The following STON2 variants were observed in gnomAD, a reference collection of about 807,000 sequenced individuals.
STON2 encodes the protein stonin 2, also known as stonin-2.
Under a neutral mutation model 65.7 loss-of-function variants are expected in STON2, and 29 were observed. The observed-to-expected ratio is 0.44, with a 90% confidence interval of 0.33 to 0.60. STON2 has a LOEUF of 0.60. STON2 is among the 20% of genes least tolerant of loss of function. STON2 has a pLI of 0.03. For synonymous variants in STON2, 404 were observed against 414.2 expected, an observed-to-expected ratio of 0.98 and a Z score of 0.30; for missense variants, 1,054 against 1,118.1, an observed-to-expected ratio of 0.94 and a Z score of 0.82.
intron 2 of STON2, among the ~76,000 whole-genome samples, chr14:81,405,960 A>G (rs2139841870): frequency 6.6e-6 from 1 of 152,306 alleles, no homozygotes; most frequent in South Asian, 2.1e-4. Context: ...AGGCAGAAGA[A>G]AGTGGAATGA....
intron 5 of STON2, among the ~76,000 whole-genome samples, chr14:81,313,299 T>C (rs1468616075): frequency 6.6e-6 from 1 of 152,166 alleles, no homozygotes; most frequent in Non-Finnish European, 1.5e-5. Flanking sequence ...ACAGAGAAAG[T>C]AAATCTTAAG....
chr14:81,295,299 T>C (rs1014543712), intron 5 of STON2, among the ~76,000 whole-genome samples: 13 of 152,124 alleles, frequency 8.5e-5, no homozygotes, highest in Non-Finnish European at 1.6e-4. Flanking sequence ...CACTCCAGCC[T>C]GGGCTACACA....
chr14:81,277,513 G>A lies in STON2; in HGVS notation c.1969C>T (p.His657Tyr). The A allele has an allele frequency of 6.2e-7, 1 of 1,614,124 alleles. No homozygotes were observed. The highest frequency in any genetic ancestry group is 8.5e-7 in the Non-Finnish European group (1 of 1,180,022). The change falls in exon 6 of 8, where the codon CAC (histidine) becomes TAC (tyrosine). Residue 657 changes from histidine to tyrosine, a missense_variant. By Grantham distance (83) the His-to-Tyr change is moderately conservative. Coordinates refer to ENST00000614646, the MANE Select transcript of STON2 (RefSeq NM_001394390.1). ...ILQHHVLTRI[H>Y]ILSFLSGLAE... ...AGCCCAGACAGGAAACTCAGGATGT[G>A]GATCCGTGTCAAGACATGGTGCTGG...
intron 4 of STON2, among the ~76,000 whole-genome samples, chr14:81,357,715 A>G (rs1238437906): frequency 1.3e-5 from 2 of 152,214 alleles, no homozygotes; most frequent in East Asian, 3.8e-4. Flanking sequence ...GCCATAAAAA[A>G]TGATGAGTTC....
intron 5 of STON2, among the ~76,000 whole-genome samples, chr14:81,291,563 T>C (rs984555563): frequency 1.3e-5 from 2 of 152,104 alleles, no homozygotes; most frequent in Non-Finnish European, 2.9e-5. Context: ...ACAACTTCTA[T>C]TTTTGTTCAC....
At chr14:81,323,732 G>GT (rs1027517356) in intron 5 of STON2, 1 of 152,082 alleles carries the variant, frequency 6.6e-6, no homozygotes. Flanking sequence ...AAGCAATGTA[G>GT]TTTTTTGTTT....
chr14:81,340,489 C>T (rs1897565039), intron 4 of STON2, among the ~76,000 whole-genome samples: 1 of 152,158 alleles, frequency 6.6e-6, no homozygotes, highest in South Asian at 2.1e-4. Context: ...CCCTTAAAAT[C>T]AGGGGAGATG....
chr14:81,278,808 G>A (rs12887344), intron 5 of STON2, 69 bp from the exon 6 acceptor site: 164,699 of 1,229,328 alleles, frequency 0.13, 11,305 homozygotes, highest in Admixed American at 0.17. Flanking sequence ...CTGAAGTATA[G>A]GAATGAGGGA....
At chr14:81,422,604 G>C (rs1293885651) in intron 2 of STON2, among the ~76,000 whole-genome samples, 1 of 152,188 alleles carries the variant, frequency 6.6e-6, no homozygotes, top group Non-Finnish European at 1.5e-5. Flanking sequence ...CTTGAGAAAG[G>C]AGAGAATAGG....
At chr14:81,356,154 T>C (rs950552558) in intron 4 of STON2, among the ~76,000 whole-genome samples, 3 of 152,222 alleles carry the variant, frequency 2.0e-5, no homozygotes, top group South Asian at 2.1e-4. Context: ...TTGTCATAGA[T>C]AGCTCTTATT....
At chr14:81,364,670 C>T (rs370749327) in intron 4 of STON2, among the ~76,000 whole-genome samples, 40 of 152,136 alleles carry the variant, frequency 2.6e-4, no homozygotes, top group Admixed American at 1.8e-3. Flanking sequence ...CATATAATTT[C>T]GGGAATTTTC....
chr14:81,270,606 G>A (rs1296444107), intron 7 of STON2, 64 bp downstream of exon 7: 2 of 1,613,906 alleles, frequency 1.2e-6, no homozygotes, highest in Admixed American at 1.7e-5. Context: ...AGGAATAAGA[G>A]GGGGAGGGTA....
At chr14:81,347,135 A>G (rs1897839105) in intron 4 of STON2, among the ~76,000 whole-genome samples, 1 of 152,048 alleles carries the variant, frequency 6.6e-6, no homozygotes, top group Admixed American at 6.5e-5. Context: ...ACAAAACAAA[A>G]CTGGCTTTTT....
intron 6 of STON2, among the ~76,000 whole-genome samples, chr14:81,275,603 A>C (rs1292699952): frequency 1.3e-5 from 2 of 152,154 alleles, no homozygotes; most frequent in African/African-American, 4.8e-5. Context: ...GAAATGAATA[A>C]GCAGGCACAG....
In STON2 at chr14:81,269,994, T is replaced by C. The variant is rs1271649182; in HGVS notation, c.2784+676A>G. 8.1e-6 allele frequency: 8 copies of C among 985,242 alleles called. No individual in the cohort carries two copies. The African/African-American group carries it at 1.4e-4, about 17-fold the overall frequency. The allele number at this position is 985,242 out of a possible 1,614,324, so 61.0% of individuals were successfully genotyped here. On this transcript the variant is annotated intron_variant, in intron 7 of 7. Coordinates refer to ENST00000614646, the MANE Select transcript of STON2 (RefSeq NM_001394390.1). ...CATCAACTCTAACTGAAGCATATGCTTTGGGATAGCATTTTCTCCCCTCCA... is the reference window on the plus strand; with the variant it reads ...CATCAACTCTAACTGAAGCATATGCCTTGGGATAGCATTTTCTCCCCTCCA...
chr14:81,297,930 G>A (rs1895823868), intron 5 of STON2, among the ~76,000 whole-genome samples: 4 of 152,294 alleles, frequency 2.6e-5, no homozygotes, highest in East Asian at 3.9e-4. Context: ...CCAGCTACTC[G>A]GGAGGCTGAG....
chr14:81,277,139 G>A lies in STON2; in HGVS notation c.2343C>T (p.Pro781=). 1.2e-6 allele frequency: 2 copies of A among 1,614,144 alleles called. No individual in the cohort carries two copies. The highest frequency in any genetic ancestry group is 1.6e-4 in the Middle Eastern group (1 of 6,062). ...GGTAACGGATCATCACATTCTCACAGGGAACCTGAGTGAGGGGGTCACGAT... is the reference window on the plus strand; with the variant it reads ...GGTAACGGATCATCACATTCTCACAAGGAACCTGAGTGAGGGGGTCACGAT... ...SANRDPLTQV[P]CENVMIRYPV... The change falls in exon 6 of 8, where the codon CCC becomes CCT. Residue 781 remains proline, a synonymous_variant. Transcript: ENST00000614646.
At chr14:81,436,415 G>C (rs1323629948) in exon 1 of STON2, 2 of 151,598 alleles carry the variant, frequency 1.3e-5, no homozygotes, top group African/African-American at 4.8e-5. Context: ...CGGCCGCACT[G>C]CTCTCGCCAC....
At chr14:81,357,080 A>G (rs1898271331) in intron 4 of STON2, among the ~76,000 whole-genome samples, 1 of 152,164 alleles carries the variant, frequency 6.6e-6, no homozygotes, top group African/African-American at 2.4e-5. Context: ...GCTTCTGCAT[A>G]GCAAAAGAAA....
Sources: allele counts gnomAD v4.1 joint callset (sites outside exome capture counted in the v4.1 genomes callset), GRCh38; gene constraint gnomAD v4.1.1; transcripts MANE v1.5; gene names NCBI Gene and HGNC (gene_info 2026-07-23, HGNC 2026-07-21).